SORCS3: variants seen among roughly 807,000 people sequenced by gnomAD.
SORCS3 encodes sortilin related VPS10 domain containing receptor 3.
In SORCS3, 57 loss-of-function variants were observed where a neutral mutation model predicts 146.3. The observed-to-expected ratio is 0.39, with a 90% CI of 0.31 to 0.49. The LOEUF (loss-of-function observed/expected upper bound fraction) is 0.49. Ranked by LOEUF, SORCS3 falls within the 20% of genes least tolerant of loss-of-function variation. The pLI, the probability that SORCS3 is intolerant of heterozygous loss-of-function variation, is 0.92. For missense variants in SORCS3, 1,341 were observed against 1,575.5 expected (o/e 0.85, Z 2.52); for synonymous variants, 653 against 618.5 (o/e 1.06, Z -0.83).
intron 4 of SORCS3, among the ~76,000 whole-genome samples, chr10:104,978,704 C>G (rs902401589): frequency 1.3e-5 from 2 of 152,194 alleles, no homozygotes; most frequent in Non-Finnish European, 2.9e-5. Context: ...CACCACTACT[C>G]AAATATAAGT....
At chr10:104,802,871 C>T (rs948446461) in intron 1 of SORCS3, among the ~76,000 whole-genome samples, 3 of 152,144 alleles carry the variant, frequency 2.0e-5, no homozygotes, top group South Asian at 2.1e-4. Flanking sequence ...GGAGCATAGG[C>T]GAGGCTTCTG....
At chr10:104,832,633 G>C (rs1306092758) in intron 1 of SORCS3, among the ~76,000 whole-genome samples, 1 of 152,176 alleles carries the variant, frequency 6.6e-6, no homozygotes, top group African/African-American at 2.4e-5. Context: ...CAGGAGAATC[G>C]TTTGAACCCA....
Position 105,158,991 on chromosome 10 carries a change from A to G in SORCS3, c.1729A>G (p.Thr577Ala), listed in dbSNP as rs745771946. ...KETAPGLVVA[T>A]GNIGPELSYT... ...GACAGCCCCAGGACTTGTGGTGGCT[A>G]CAGGTAAGAAAAACATTCCCTGTGC... The change falls in exon 11 of 27, where the codon ACA (threonine) becomes GCA (alanine). Residue 577 changes from threonine (T) to alanine (A), a missense_variant. Coordinates refer to ENST00000369701, the MANE Select transcript of SORCS3 (RefSeq NM_014978.3). 5.6e-6 allele frequency: 9 copies of G among 1,604,998 alleles called. No individual in the cohort carries two copies. The highest frequency in any genetic ancestry group is 3.4e-5 in the Admixed American group (2 of 59,546).
chr10:105,159,962 C>A (rs1256094072), intron 11 of SORCS3, among the ~76,000 whole-genome samples: 9 of 152,288 alleles, frequency 5.9e-5, no homozygotes, highest in Non-Finnish European at 1.0e-4. Flanking sequence ...ATTAAGCAAG[C>A]CCACTATGCT....
At chr10:105,091,075 CTCCT>C in intron 6 of SORCS3, among the ~76,000 whole-genome samples, 1 of 151,236 alleles carries the variant, frequency 6.6e-6, no homozygotes, top group East Asian at 2.0e-4. Flanking sequence ...TCCTCCCTCC[CTCCT>C]TCCTTCCCTC....
chr10:104,910,726 GA>G (rs2018958196), intron 2 of SORCS3, among the ~76,000 whole-genome samples: 1 of 152,142 alleles, frequency 6.6e-6, no homozygotes, highest in Non-Finnish European at 1.5e-5. Flanking sequence ...GAAATAATAA[GA>G]AAAAAAGAAC....
At chr10:105,047,530 C>A (rs1053703740) in intron 5 of SORCS3, among the ~76,000 whole-genome samples, 8 of 152,002 alleles carry the variant, frequency 5.3e-5, no homozygotes, top group African/African-American at 1.9e-4. Context: ...AATTCTTACC[C>A]CTTTTCTGAG....
chr10:104,932,691 CTTTTAAT>C (rs1388040866), intron 3 of SORCS3, among the ~76,000 whole-genome samples: 2 of 152,096 alleles, frequency 1.3e-5, no homozygotes, highest in Non-Finnish European at 2.9e-5. Context: ...TTCATTTTAA[CTTTTAAT>C]TTTTATTTTT....
chr10:105,103,615 A>G (rs1364901908), intron 6 of SORCS3, among the ~76,000 whole-genome samples: 1 of 152,218 alleles, frequency 6.6e-6, no homozygotes, highest in Non-Finnish European at 1.5e-5. Flanking sequence ...TCAGAGGCAG[A>G]ATTGTCAAGG....
At chr10:104,972,713 C>T (rs897430072) in intron 3 of SORCS3, among the ~76,000 whole-genome samples, 6 of 152,058 alleles carry the variant, frequency 3.9e-5, no homozygotes, top group African/African-American at 7.2e-5. Flanking sequence ...AAAATGTTCC[C>T]GGAACTTCCA....
In SORCS3 at chr10:105,122,048, C is replaced by A. The variant is rs117545305; in HGVS notation, c.1212+16533C>A. Reference sequence around the variant, plus strand: ...ACATGCCAGCAAGTCTTCCACACCCCCTCTGCTAAGCCCAGCTCCCTGGAG... The same window carrying A: ...ACATGCCAGCAAGTCTTCCACACCCACTCTGCTAAGCCCAGCTCCCTGGAG... On this transcript the variant is annotated intron_variant, in intron 7 of 26. Transcript: ENST00000369701. 1.8e-4 allele frequency among the ~76,000 whole-genome samples: 27 copies of A among 152,246 alleles called. No individual in the cohort carries two copies. In the East Asian group the frequency reaches 4.8e-3, roughly 27 times the overall value.
At chr10:104,978,228 A>T (rs2054912624) in intron 4 of SORCS3, among the ~76,000 whole-genome samples, 1 of 152,168 alleles carries the variant, frequency 6.6e-6, no homozygotes, top group Non-Finnish European at 1.5e-5. Flanking sequence ...ACCTCGAGGC[A>T]TATTCCATCA....
intron 7 of SORCS3, among the ~76,000 whole-genome samples, chr10:105,111,854 T>C (rs1349460377): frequency 1.3e-5 from 2 of 152,034 alleles, no homozygotes; most frequent in South Asian, 2.1e-4. Context: ...ACGAATTAAG[T>C]AGGTGAAGGA....
intron 1 of SORCS3, among the ~76,000 whole-genome samples, chr10:104,749,702 G>A (rs1435134981): frequency 6.6e-6 from 1 of 152,172 alleles, no homozygotes. Context: ...AAAAGCTTCT[G>A]AATTCAACTT....
rs35604992 is a variant in SORCS3 at position 105,003,998 on chromosome 10, C to CTTT, written c.954+26506_954+26507insTTT. Among the ~76,000 whole-genome samples the CTTT allele has an allele frequency of 5.0e-3, 674 of 136,002 alleles. 23 individuals are homozygous for CTTT. Among genetic ancestry groups the CTTT allele is most frequent in the African/African-American group, 0.017 (582 of 34,234 alleles). The allele number at this position is 136,002 out of a possible 152,430, so 89.2% of individuals were successfully genotyped here. On this transcript the variant is annotated intron_variant, in intron 4 of 26. Transcript: ENST00000369701. ...TTCCCCTCCTTTTTTTCTCTTCTCT[C>CTTT]TCTTTTTTTTTTTTTTACCAGAGAA...
chr10:105,214,315 C>T, intron 17 of SORCS3, 127 bp from the exon 18 acceptor site: 2 of 966,222 alleles, frequency 2.1e-6, no homozygotes, highest in Non-Finnish European at 1.6e-6. Context: ...TTTCCAGGGG[C>T]CGCTGTGTGA....
intron 22 of SORCS3, among the ~76,000 whole-genome samples, chr10:105,251,399 A>G (rs918546807): frequency 3.3e-5 from 5 of 152,144 alleles, no homozygotes; most frequent in Non-Finnish European, 7.4e-5. Flanking sequence ...ATTCAAGGTG[A>G]GATTTAGGTG....
intron 3 of SORCS3, among the ~76,000 whole-genome samples, chr10:104,976,221 GCAAA>G (rs2054896546): frequency 6.6e-6 from 1 of 151,920 alleles, no homozygotes; most frequent in African/African-American, 2.4e-5. Context: ...CAAGAAAAAA[GCAAA>G]CAACCCCATC....
At chr10:104,999,599 T>C (rs2055048713) in intron 4 of SORCS3, among the ~76,000 whole-genome samples, 1 of 152,078 alleles carries the variant, frequency 6.6e-6, no homozygotes, top group Admixed American at 6.5e-5. Flanking sequence ...TTTACCCTTG[T>C]CTTATGGAGG....
Sources: allele counts gnomAD v4.1 joint callset (sites outside exome capture counted in the v4.1 genomes callset), GRCh38; gene constraint gnomAD v4.1.1; transcripts MANE v1.5; gene names NCBI Gene and HGNC (gene_info 2026-07-23, HGNC 2026-07-21).